SCAF8: variants seen among roughly 807,000 people sequenced by gnomAD.
The protein encoded by SCAF8 is SR-related and CTD-associated factor 8.
Under a neutral mutation model 140.5 loss-of-function variants are expected in SCAF8, and 23 were observed. The observed-to-expected ratio is 0.16, with a 90% CI of 0.12 to 0.23. SCAF8 has a LOEUF of 0.23. SCAF8 is among the 10% of genes least tolerant of loss of function. The pLI is 1.00. For synonymous variants in SCAF8, 575 were observed against 528.9 expected (o/e 1.09, Z -1.20); for missense variants, 1,397 against 1,555.7 (o/e 0.90, Z 1.72).
At chr6:154,749,175 C>A (rs137982357) in intron 1 of SCAF8, among the ~76,000 whole-genome samples, 3 of 152,154 alleles carry the variant, frequency 2.0e-5, no homozygotes, top group Non-Finnish European at 2.9e-5. Context: ...CTCCCGACCT[C>A]GGTGATCTGC....
rs1023787575 is a variant in SCAF8, at chr6:154,787,956, A to C, written c.255A>C (p.Ala85=). The C allele has an allele frequency of 2.5e-6, 4 of 1,613,586 alleles. No individual in the cohort carries two copies. In the African/African-American group the frequency reaches 4.0e-5, roughly 16 times the overall value. Residue 85 remains alanine, a synonymous_variant, in exon 4 of 20, where the codon GCA becomes GCC. Coordinates refer to ENST00000367178, the MANE Select transcript of SCAF8 (RefSeq NM_014892.5). ...TTGGTCAAGAAAAGGATGTGTTTGCACCCAGATTTAGTAATAACATCATTA... is the reference window on the plus strand; with the variant it reads ...TTGGTCAAGAAAAGGATGTGTTTGCCCCCAGATTTAGTAATAACATCATTA... ...HQFGQEKDVF[A]PRFSNNIIST... is the part of the protein sequence containing the mutation.
chr6:154,766,356 T>C (rs1469863004), intron 1 of SCAF8, among the ~76,000 whole-genome samples: 5 of 152,226 alleles, frequency 3.3e-5, no homozygotes, highest in African/African-American at 7.2e-5. Flanking sequence ...AAAATGTTTC[T>C]ATACCATGGC....
chr6:154,764,414 G>A lies in SCAF8; in HGVS notation c.31-9575G>A, dbSNP rs552866005. On this transcript the variant is annotated intron_variant, in intron 1 of 19. Transcript: ENST00000367178. ...CAATCTCTGAGGTCAGATGAGCATA[G>A]AGAATTTGCACAAGTAAAGGGTTTC... Among the ~76,000 whole-genome samples, 3 of 152,222 alleles carry A rather than the reference G, an allele frequency of 2.0e-5. No individual in the cohort carries two copies. The East Asian group carries it at 5.8e-4, about 29-fold the overall frequency.
At chr6:154,796,353 TTCTCTCTCTCTCTCTCTCTCTCTC>T (rs532893908) in intron 6 of SCAF8, among the ~76,000 whole-genome samples, 2 of 75,252 alleles carry the variant, frequency 2.7e-5, no homozygotes, top group Non-Finnish European at 4.7e-5. Flanking sequence ...TGCAATCCTG[TTCTCTCTCTCTCTCTCTCTCTCTC>T]TCTCTCTCTC....
intron 1 of SCAF8, among the ~76,000 whole-genome samples, chr6:154,763,926 C>T (rs1201305520): frequency 1.3e-5 from 2 of 152,150 alleles, no homozygotes; most frequent in African/African-American, 4.8e-5. Flanking sequence ...GTATGACCTG[C>T]AAAGGCTAGA....
intron 4 of SCAF8, among the ~76,000 whole-genome samples, chr6:154,788,487 C>T (rs1361953405): frequency 1.3e-5 from 2 of 152,102 alleles, no homozygotes; most frequent in Non-Finnish European, 2.9e-5. Flanking sequence ...TTACGGTATC[C>T]ATATTGCATT....
At chr6:154,813,550 A>G (rs1253694310) in intron 12 of SCAF8, among the ~76,000 whole-genome samples, 2 of 152,106 alleles carry the variant, frequency 1.3e-5, no homozygotes, top group Non-Finnish European at 2.9e-5. Flanking sequence ...GGGCGGGGGG[A>G]TCTTTTCCAT....
Position 154,833,501 on chromosome 6 carries a change from G to A in SCAF8, c.*106G>A, listed in dbSNP as rs1778813629. ...GTTCACTTTTGTCTGCCAGAATTAAGTTAATCTGATGTTCATGTTCACCTT... is the reference window on the plus strand; with the variant it reads ...GTTCACTTTTGTCTGCCAGAATTAAATTAATCTGATGTTCATGTTCACCTT... On this transcript the variant is annotated 3_prime_UTR_variant, in exon 20 of 20. Transcript: ENST00000367178. 2 of 1,055,688 alleles carry A rather than the reference G, an allele frequency of 1.9e-6. No individual in the cohort carries two copies. The highest frequency in any genetic ancestry group is 2.7e-6 in the Non-Finnish European group (2 of 727,658). 65.4% of individuals were successfully genotyped at this position (1,055,688 alleles called of 1,614,324 possible). A position where few individuals can be genotyped will look rare whatever the true frequency, so the allele number is the denominator to read the frequency against.
intron 3 of SCAF8, 144 bp downstream of exon 3, chr6:154,778,189 T>C: frequency 1.8e-6 from 1 of 564,404 alleles, no homozygotes; most frequent in Non-Finnish European, 3.1e-6. Context: ...AATTAAGAAA[T>C]AAAATAAAAG....
At chr6:154,786,716 G>A (rs1382374207) in intron 3 of SCAF8, among the ~76,000 whole-genome samples, 3 of 152,190 alleles carry the variant, frequency 2.0e-5, no homozygotes, top group Non-Finnish European at 4.4e-5. Context: ...TGCAAAGGCG[G>A]TTTCAATTAG....
rs1206857244 is a variant in SCAF8 at position 154,833,592 on chromosome 6, A to G, written c.*197A>G. On this transcript the variant is annotated 3_prime_UTR_variant, in exon 20 of 20. Coordinates refer to ENST00000367178, the MANE Select transcript of SCAF8 (RefSeq NM_014892.5). ...TTCTTAATATGAACATGGTAGGTAA[A>G]CTTTTTTTTTATTTTTTTCTGATAA... is the stretch of plus-strand genomic sequence containing the variant. 1 of 447,324 alleles carries G rather than the reference A, an allele frequency of 2.2e-6. No homozygotes were observed. The highest frequency in any genetic ancestry group is 3.8e-6 in the Non-Finnish European group (1 of 263,206). 27.7% of individuals were successfully genotyped at this position (447,324 alleles called of 1,614,324 possible). A position where few individuals can be genotyped will look rare whatever the true frequency, so the allele number is the denominator to read the frequency against.
intron 1 of SCAF8, among the ~76,000 whole-genome samples, chr6:154,739,743 T>C (rs1562420297): frequency 6.6e-6 from 1 of 152,216 alleles, no homozygotes; most frequent in Non-Finnish European, 1.5e-5. Flanking sequence ...CATTTTTCTG[T>C]TCTATAAAGT....
Position 154,832,490 on chromosome 6 carries a change from C to T in SCAF8, c.2911C>T (p.Pro971Ser), listed in dbSNP as rs1272395095. The change falls in exon 20 of 20, where the codon CCT becomes TCT. Residue 971 changes from proline to serine, a missense_variant. Pro to Ser is a moderately conservative substitution (Grantham distance 74). Around this residue, in one of 5 missense-constraint regions of SCAF8, gnomAD observed 930 missense variants for 874.6 expected, o/e 1.06. Transcript: ENST00000367178. ...ALHPPPRGPFPPGDIFSQPER... is the reference protein window; with the variant it reads ...ALHPPPRGPFSPGDIFSQPER... ...TCATCCACCACCCCGTGGACCTTTT[C>T]CTCCAGGAGATATTTTTAGTCAACC... The T allele has an allele frequency of 1.9e-6, 3 of 1,613,862 alleles. No homozygotes were observed. The highest frequency in any genetic ancestry group is 2.5e-6 in the Non-Finnish European group (3 of 1,179,920).
chr6:154,733,968 A>C (rs1778336701), intron 1 of SCAF8, 38 bp downstream of exon 1: 3 of 1,502,554 alleles, frequency 2.0e-6, no homozygotes, highest in Middle Eastern at 3.8e-4. Flanking sequence ...TCCTGCCCGC[A>C]CCGCCCCCAC....
chr6:154,752,379 A>G (rs1210341095), intron 1 of SCAF8, among the ~76,000 whole-genome samples: 1 of 152,148 alleles, frequency 6.6e-6, no homozygotes, highest in Admixed American at 6.5e-5. Context: ...ATAATGGTAT[A>G]TTTCCTGACT....
At chr6:154,799,169 G>A (rs982522920) in intron 6 of SCAF8, among the ~76,000 whole-genome samples, 4 of 150,712 alleles carry the variant, frequency 2.7e-5, no homozygotes, top group African/African-American at 9.7e-5. Flanking sequence ...GTAGATACGG[G>A]GTTTCACCTT....
chr6:154,817,736 G>A (rs748775943), intron 13 of SCAF8, among the ~76,000 whole-genome samples: 11 of 152,170 alleles, frequency 7.2e-5, no homozygotes, highest in Non-Finnish European at 1.5e-4. Context: ...GGCTTATTAG[G>A]TATAGAGTGA....
In SCAF8 at chr6:154,805,353, C is replaced by G; in HGVS notation, c.864-16C>G. 2 of 1,442,898 alleles carry G rather than the reference C, an allele frequency of 1.4e-6. No homozygotes were observed. The highest frequency in any genetic ancestry group is 2.3e-5 in the East Asian group (1 of 43,920). The allele number at this position is 1,442,898 out of a possible 1,614,324, so 89.4% of individuals were successfully genotyped here. A position where few individuals can be genotyped will look rare whatever the true frequency, so the allele number is the denominator to read the frequency against. On this transcript the variant is annotated splice_polypyrimidine_tract_variant and intron_variant, in intron 8 of 19. Transcript: ENST00000367178. Reference sequence around the variant, plus strand: ...AGTGGGTTTTAAAATATGTTTCCACCTGTTTTTCCTTTTAGTTCTCACGTT... The same window carrying G: ...AGTGGGTTTTAAAATATGTTTCCACGTGTTTTTCCTTTTAGTTCTCACGTT...
At chr6:154,822,488 C>A in intron 16 of SCAF8, 79 bp downstream of exon 16, 1 of 1,379,690 alleles carries the variant, frequency 7.2e-7, no homozygotes, top group Non-Finnish European at 9.9e-7. Flanking sequence ...CTTTATAAAA[C>A]CGGAATGAAA....
Sources: gnomAD v4.1 joint callset for allele counts (sites outside exome capture counted in the v4.1 genomes callset) on GRCh38, gnomAD v4.1.1 for gene constraint, gnomAD v4.1.1 regional missense constraint, MANE v1.5 for transcripts, NCBI Gene and HGNC (gene_info 2026-07-23, HGNC 2026-07-21) for gene names.